Variants in ERAP1 observed in about 807,000 individuals in gnomAD.
ERAP1 encodes adipocyte-derived leucine aminopeptidase.
ERAP1 carries 86 observed loss-of-function variants against 103.7 expected under a neutral mutation model. The observed-to-expected ratio is 0.83, with a 90% CI of 0.70 to 0.99. The LOEUF is 0.99. ERAP1 is among the 50% of genes least tolerant of loss of function. ERAP1 has a pLI of 0.00. For synonymous variants in ERAP1, 398 were observed against 402.4 expected (o/e 0.99, Z 0.13); for missense variants, 1,009 against 1,128.4 (o/e 0.89, Z 1.52).
the ERAP1 span, among the ~76,000 whole-genome samples, chr5:96,879,131 A>G: frequency 6.6e-6 from 1 of 152,114 alleles, no homozygotes; most frequent in African/African-American, 2.4e-5. Context: ...AGGTGGGAGG[A>G]TCACTTGAGC....
chr5:96,867,508 G>A, the ERAP1 span, among the ~76,000 whole-genome samples: 2 of 152,128 alleles, frequency 1.3e-5, no homozygotes, highest in Non-Finnish European at 2.9e-5. Flanking sequence ...GGTGGCGTTG[G>A]GATGATTTGA....
At chr5:96,811,461 A>C (rs1336909420), upstream of ERAP1, among the ~76,000 whole-genome samples, 3 of 152,258 alleles carry the variant, frequency 2.0e-5, no homozygotes, top group African/African-American at 7.2e-5. Flanking sequence ...GGGCCACCAC[A>C]TGGAAAAAGC....
At chr5:96,895,954 G>GT in the ERAP1 span, among the ~76,000 whole-genome samples, 1 of 152,130 alleles carries the variant, frequency 6.6e-6, no homozygotes, top group Non-Finnish European at 1.5e-5. Flanking sequence ...TTGTTACTGT[G>GT]TATGTACTGA....
At chr5:96,903,904 C>G in the ERAP1 span, among the ~76,000 whole-genome samples, 1 of 152,300 alleles carries the variant, frequency 6.6e-6, no homozygotes, top group East Asian at 1.9e-4. Flanking sequence ...TTAGGCCAGG[C>G]CTACTTTCTC....
the ERAP1 span, among the ~76,000 whole-genome samples, chr5:96,850,699 G>T: frequency 6.6e-6 from 1 of 152,106 alleles, no homozygotes; most frequent in Non-Finnish European, 1.5e-5. Flanking sequence ...ATTCCACGAT[G>T]TATACCTGTA....
At chr5:96,802,078 T>C (rs777689104) in intron 2 of ERAP1, among the ~76,000 whole-genome samples, 1 of 151,956 alleles carries the variant, frequency 6.6e-6, no homozygotes, top group Non-Finnish European at 1.5e-5. Flanking sequence ...ACACTATTGG[T>C]GAGGGGTAAG....
the ERAP1 span, among the ~76,000 whole-genome samples, chr5:96,904,635 G>A: frequency 6.6e-6 from 1 of 152,218 alleles, no homozygotes; most frequent in Non-Finnish European, 1.5e-5. Context: ...GCTATTGCTA[G>A]TTGAAGGAGG....
chr5:96,921,210 C>A, the ERAP1 span, among the ~76,000 whole-genome samples: 9 of 152,372 alleles, frequency 5.9e-5, no homozygotes, highest in Middle Eastern at 3.4e-3. Context: ...TTGGCCTCAG[C>A]CTTCGGCTTA....
At chr5:96,926,827 TTTG>T in the ERAP1 span, among the ~76,000 whole-genome samples, 1 of 152,214 alleles carries the variant, frequency 6.6e-6, no homozygotes, top group African/African-American at 2.4e-5. Context: ...TGTTTGTTTG[TTTG>T]TTTCAAGACA....
chr5:96,934,340 T>G, the ERAP1 span: 5 of 152,328 alleles, frequency 3.3e-5, no homozygotes, highest in East Asian at 9.6e-4. Context: ...GAGGTGACAT[T>G]TGAGCCGAGA....
chr5:96,859,247 C>A, the ERAP1 span, among the ~76,000 whole-genome samples: 3 of 152,094 alleles, frequency 2.0e-5, no homozygotes, highest in Non-Finnish European at 4.4e-5. Context: ...CTGGTCTGTA[C>A]TTGGGGCTGT....
At chr5:96,847,025 G>A in the ERAP1 span, among the ~76,000 whole-genome samples, 1 of 149,938 alleles carries the variant, frequency 6.7e-6, no homozygotes, top group Non-Finnish European at 1.5e-5. Context: ...GATTGCCTGA[G>A]CTCAAGAGTT....
At chr5:96,896,839 T>C in the ERAP1 span, 3 of 1,596,798 alleles carry the variant, frequency 1.9e-6, no homozygotes, top group Non-Finnish European at 2.6e-6. Flanking sequence ...CTAAGAATGA[T>C]GACTTGTGGA....
chr5:96,776,138 A>T lies in ERAP1; in HGVS notation c.*258T>A. Reference sequence around the variant, plus strand: ...AACTATAAAATGAGAAGAATAAGGTACTTTATTCTTCTGTGGCAGGGAACC... The same window carrying T: ...AACTATAAAATGAGAAGAATAAGGTTCTTTATTCTTCTGTGGCAGGGAACC... On this transcript the variant is annotated 3_prime_UTR_variant, in exon 19 of 19. Coordinates refer to ENST00000443439, the MANE Select transcript of ERAP1 (RefSeq NM_001040458.3). 2 of 1,457,588 alleles carry T rather than the reference A, an allele frequency of 1.4e-6. No homozygotes were observed. Among genetic ancestry groups the T allele is most frequent in the Non-Finnish European group, 1.8e-6 (2 of 1,097,546 alleles). The allele number at this position is 1,457,588 out of a possible 1,614,324, so 90.3% of individuals were successfully genotyped here. A position where few individuals can be genotyped will look rare whatever the true frequency, so the allele number is the denominator to read the frequency against.
chr5:96,921,407 T>A, the ERAP1 span, among the ~76,000 whole-genome samples: 12 of 152,214 alleles, frequency 7.9e-5, no homozygotes, highest in Non-Finnish European at 1.8e-4. Flanking sequence ...TATGTACAAA[T>A]ACCTAAGTCT....
At chr5:96,879,755 T>G in the ERAP1 span, 4 of 1,614,112 alleles carry the variant, frequency 2.5e-6, no homozygotes, top group South Asian at 3.3e-5. Flanking sequence ...AGGATTTTAC[T>G]GCTTAACAGC....
Position 96,800,875 on chromosome 5 carries a change from G to C in ERAP1, c.650C>G (p.Ser217Cys). 4 of 1,614,170 alleles carry C rather than the reference G, an allele frequency of 2.5e-6. No homozygotes were observed. The highest frequency in any genetic ancestry group is 3.4e-6 in the Non-Finnish European group (4 of 1,180,022). ...GTGCAGACTCACCAATGGCATATTG[G>C]AGATGGCTAGGTGCCTTGGCTCTCT... ...IRREPRHLAI[S>C]NMPLVKSVTV... The change falls in exon 3 of 19, where the codon TCC becomes TGC. Residue 217 changes from serine (S) to cysteine (C), a missense_variant. Physicochemically the swap from Ser to Cys is moderately radical, Grantham distance 112 (BLOSUM62 -1). Transcript: ENST00000443439.
chr5:96,920,194 A>T, the ERAP1 span, among the ~76,000 whole-genome samples: 1 of 152,224 alleles, frequency 6.6e-6, no homozygotes, highest in African/African-American at 2.4e-5. Flanking sequence ...TATCCCAGGT[A>T]CACGGGAGGC....
chr5:96,922,434 G>C, the ERAP1 span, among the ~76,000 whole-genome samples: 20 of 152,264 alleles, frequency 1.3e-4, no homozygotes, highest in Non-Finnish European at 2.4e-4. Flanking sequence ...AATGGAAAAA[G>C]GCCAGGATGA....
Sources: gnomAD v4.1 joint callset for allele counts (sites outside exome capture counted in the v4.1 genomes callset) on GRCh38, gnomAD v4.1.1 for gene constraint, MANE v1.5 for transcripts, NCBI Gene and HGNC (gene_info 2026-07-23, HGNC 2026-07-21) for gene names.